The following FKBP15 variants were observed in gnomAD, a reference collection of about 807,000 sequenced individuals.
FKBP15 encodes FK506-binding protein 15.
A neutral mutation model predicts 158.1 loss-of-function variants in FKBP15; 106 were observed. The observed-to-expected ratio is 0.67, with a 90% CI of 0.57 to 0.79. The LOEUF is 0.79. Among genes scored for constraint, FKBP15 ranks in the 30% least tolerant of loss-of-function variants. The pLI is 0.00. For synonymous variants in FKBP15, 547 were observed against 548.6 expected, an observed-to-expected ratio of 1.00 and a Z score of 0.04; for missense variants, 1,287 against 1,479.1, an observed-to-expected ratio of 0.87 and a Z score of 2.13.
chr9:113,166,395 A>G (rs1277176767), intron 27 of FKBP15, among the ~76,000 whole-genome samples: 1 of 152,188 alleles, frequency 6.6e-6, no homozygotes, highest in Non-Finnish European at 1.5e-5. Context: ...GGCTAATCTC[A>G]TCATTTATTT....
Position 113,165,934 on chromosome 9 carries a change from C to T in FKBP15, c.*144G>A. Reference sequence around the variant, plus strand: ...GCGGGGGTGGGGCTCAGAAGGTGGCCAACCCACCCTCTGAGCCCAAATATT... The same window carrying T: ...GCGGGGGTGGGGCTCAGAAGGTGGCTAACCCACCCTCTGAGCCCAAATATT... On this transcript the variant is annotated 3_prime_UTR_variant, in exon 28 of 28. Transcript: ENST00000238256. 1 of 671,352 alleles carries T rather than the reference C, an allele frequency of 1.5e-6. No homozygotes were observed. The highest frequency in any genetic ancestry group is 2.5e-6 in the Non-Finnish European group (1 of 405,066). The allele number at this position is 671,352 out of a possible 1,614,324, so 41.6% of individuals were successfully genotyped here. A position where few individuals can be genotyped will look rare whatever the true frequency, so the allele number is the denominator to read the frequency against.
At chr9:113,209,211 T>C (rs1216043273) in intron 2 of FKBP15, among the ~76,000 whole-genome samples, 3 of 152,054 alleles carry the variant, frequency 2.0e-5, no homozygotes, top group African/African-American at 7.2e-5. Context: ...TTCAAGGCCG[T>C]AGTGCACTGT....
At position 113,169,916 on chromosome 9, in the gene FKBP15, T is replaced by C. The variant is rs1300310314; in HGVS notation, c.2793A>G (p.Gln931=). The C allele has an allele frequency of 5.2e-6, 8 of 1,546,922 alleles. No individual in the cohort carries two copies. In the East Asian group the frequency reaches 1.7e-4, roughly 33 times the overall value. The change falls in exon 26 of 28, where the codon CAA becomes CAG. Residue 931 remains glutamine (Q), a synonymous_variant. Coordinates refer to ENST00000238256, the MANE Select transcript of FKBP15 (RefSeq NM_015258.2). ...IKMVTLQLLN[Q]QEQEKEESSS... ...TGCTCTCTTCCTTCTCTTGCTCCTGTTGGTTTAACAGCTGAAGAGTCACCA... is the reference window on the plus strand; with the variant it reads ...TGCTCTCTTCCTTCTCTTGCTCCTGCTGGTTTAACAGCTGAAGAGTCACCA...
intron 19 of FKBP15, among the ~76,000 whole-genome samples, chr9:113,182,329 C>T (rs186036173): frequency 2.6e-4 from 39 of 152,248 alleles, no homozygotes; most frequent in African/African-American, 6.5e-4. Flanking sequence ...ACTGCTACTG[C>T]AGGAACAGGT....
chr9:113,199,043 G>T (rs1830738488), intron 7 of FKBP15, 120 bp from the exon 8 acceptor site: 2 of 666,474 alleles, frequency 3.0e-6, no homozygotes, highest in Non-Finnish European at 5.2e-6. Flanking sequence ...CAAATATACT[G>T]GGAAGATAGT....
In FKBP15 at chr9:113,202,538, T is replaced by C. The variant is rs760679255; in HGVS notation, c.491A>G (p.Asn164Ser). The C allele has an allele frequency of 7.4e-5, 116 of 1,575,982 alleles. No individual in the cohort carries two copies. Among genetic ancestry groups the C allele is most frequent in the Non-Finnish European group, 9.2e-5 (107 of 1,159,204 alleles). ...AGAGTAAGATGTTATCACCTGCTTA[T>C]TGAACTCCACAGCAGCCTTTTCCGA... ...FESEKAAVEFNKQVCIAKCNS... is the reference protein window; with the variant it reads ...FESEKAAVEFSKQVCIAKCNS... The change falls in exon 6 of 28, where the codon AAT becomes AGT. Residue 164 changes from asparagine to serine, a missense_variant. Physicochemically the swap from Asn to Ser is conservative, Grantham distance 46. Transcript: ENST00000238256.
At position 113,171,652 on chromosome 9, in the gene FKBP15, T is replaced by C. The variant is rs1021987318; in HGVS notation, c.2587A>G (p.Ile863Val). The C allele has an allele frequency of 1.9e-6, 3 of 1,604,056 alleles. No homozygotes were observed. Among genetic ancestry groups the C allele is most frequent in the East Asian group, 2.2e-5 (1 of 44,692 alleles). ...TALTKQNEQH[I>V]KELEKNKSQM... ...GACTTGTTCTTCTCTAGTTCCTTGA[T>C]GTGCTGTTCATTTTGCTTGGTGAGA... The change falls in exon 24 of 28, where the codon ATC becomes GTC. Residue 863 changes from isoleucine (I) to valine (V), a missense_variant. Transcript: ENST00000238256.
intron 25 of FKBP15, 134 bp from the exon 26 acceptor site, chr9:113,170,076 C>T (rs1285519830): frequency 2.5e-6 from 3 of 1,195,568 alleles, no homozygotes; most frequent in Non-Finnish European, 3.4e-6. Context: ...CTATATCTGT[C>T]AAGTCACTCC....
intron 1 of FKBP15, among the ~76,000 whole-genome samples, chr9:113,220,805 C>A (rs1455585521): frequency 6.6e-6 from 1 of 152,190 alleles, no homozygotes; most frequent in Non-Finnish European, 1.5e-5. Flanking sequence ...GCTGACCCAC[C>A]AAGGCCTGGT....
chr9:113,211,890 A>G (rs555436809), intron 1 of FKBP15, among the ~76,000 whole-genome samples: 9 of 152,144 alleles, frequency 5.9e-5, no homozygotes, highest in African/African-American at 2.2e-4. Flanking sequence ...TCTGGACCTC[A>G]GTTTTTCCAC....
chr9:113,221,208 G>A lies in FKBP15; in HGVS notation c.36C>T (p.Phe12=). 3.1e-6 allele frequency: 5 copies of A among 1,610,416 alleles called. No homozygotes were observed. Among genetic ancestry groups the A allele is most frequent in the South Asian group, 1.1e-5 (1 of 90,254 alleles). The change falls in exon 1 of 28, where the codon TTC becomes TTT. Residue 12 remains phenylalanine, a synonymous_variant. Transcript: ENST00000238256. ...TCACTCACCCGCCGCTCGGCGAGAG[G>A]AAATCGGTGTCGTCCTCGTCCCCCG... The part of the protein sequence containing the change: ...FGAGDEDDTD[F]LSPSGGARLA...
Position 113,169,442 on chromosome 9 carries a change from T to C in FKBP15, c.3267A>G (p.Leu1089=), listed in dbSNP as rs748591067. 57 of 1,613,926 alleles carry C rather than the reference T, an allele frequency of 3.5e-5. 1 individual carries two copies. In the Admixed American group the frequency reaches 9.3e-4, roughly 26 times the overall value. ...CVREVAPDGP[L]QESSTRLSLT... ...GGGACAGTCTTGTGGAGCTTTCTTGTAGTGGGCCATCTGGTGCTACTTCCC... is the reference window on the plus strand; with the variant it reads ...GGGACAGTCTTGTGGAGCTTTCTTGCAGTGGGCCATCTGGTGCTACTTCCC... The change falls in exon 26 of 28, where the codon CTA becomes CTG. Residue 1089 remains leucine (L), a synonymous_variant. Transcript: ENST00000238256.
In FKBP15 at chr9:113,178,788, T is replaced by C. The variant is rs373476772; in HGVS notation, c.1928A>G (p.Glu643Gly). Residue 643 changes from glutamate to glycine, a missense_variant, in exon 20 of 28, where the codon GAG becomes GGG. Transcript: ENST00000238256. ...HAEQEKAKVT[E>G]ELAAATAQVS... ...CTGTGCAGTGGCCGCTGCTAACTCC[T>C]CTGTCACCTTGGCCTGAATAATAAC... 1.4e-5 allele frequency: 23 copies of C among 1,606,986 alleles called. No individual in the cohort carries two copies. Among genetic ancestry groups the C allele is most frequent in the South Asian group, 7.8e-5 (7 of 89,560 alleles).
intron 1 of FKBP15, among the ~76,000 whole-genome samples, chr9:113,216,022 G>A (rs2118961926): frequency 7.2e-6 from 1 of 138,602 alleles, no homozygotes; most frequent in African/African-American, 2.7e-5. Flanking sequence ...GAATTTTGCT[G>A]TTGGCAAAAT....
intron 11 of FKBP15, among the ~76,000 whole-genome samples, chr9:113,192,815 G>C (rs1830600474): frequency 6.6e-6 from 1 of 152,190 alleles, no homozygotes; most frequent in Non-Finnish European, 1.5e-5. Flanking sequence ...ATGAAGCTTA[G>C]AGAAGCTAAA....
At position 113,164,819 on chromosome 9, in the gene FKBP15, C is replaced by T. The variant is rs1410541845; in HGVS notation, c.*1259G>A. ...CTCTATAAAATGGTGATAACACTGT[C>T]TTCTGCAGTGGTTGCTGGAGATAAG... On this transcript the variant is annotated 3_prime_UTR_variant, in exon 28 of 28. Transcript: ENST00000238256. 1 of 152,220 alleles carries T rather than the reference C, an allele frequency of 6.6e-6. No individual in the cohort carries two copies. The highest frequency in any genetic ancestry group is 1.5e-5 in the Non-Finnish European group (1 of 68,036). 9.4% of individuals were successfully genotyped at this position (152,220 alleles called of 1,614,324 possible).
chr9:113,185,960 A>G (rs542716448), intron 15 of FKBP15, among the ~76,000 whole-genome samples: 2 of 152,334 alleles, frequency 1.3e-5, no homozygotes, highest in South Asian at 4.1e-4. Context: ...AGAAAATCCA[A>G]GGAAAAAAAC....
At chr9:113,176,038 T>C (rs10981669) in intron 21 of FKBP15, among the ~76,000 whole-genome samples, 59,187 of 152,070 alleles carry the variant, frequency 0.39, 12,189 homozygotes, top group East Asian at 0.77. Flanking sequence ...TCAAACAAAT[T>C]TGCAAAAACA....
intron 14 of FKBP15, 101 bp downstream of exon 14, chr9:113,187,692 T>C: frequency 3.2e-6 from 3 of 934,654 alleles, no homozygotes; most frequent in Non-Finnish European, 3.3e-6. Flanking sequence ...ACTCTGACTT[T>C]GGGGAACTGC....
Sources: allele counts gnomAD v4.1 joint callset (sites outside exome capture counted in the v4.1 genomes callset), GRCh38; gene constraint gnomAD v4.1.1; transcripts MANE v1.5; gene names NCBI Gene and HGNC (gene_info 2026-07-23, HGNC 2026-07-21).